The following PDK1 variants were observed in gnomAD, a reference collection of about 807,000 sequenced individuals.
The protein encoded by PDK1 is [Pyruvate dehydrogenase (acetyl-transferring)] kinase isozyme 1, mitochondrial.
Under a neutral mutation model 54.2 loss-of-function variants are expected in PDK1, and 39 were observed. The ratio of observed to expected loss-of-function variants is 0.72; its 90% CI spans 0.56 to 0.94. The LOEUF is 0.94. Ranked by LOEUF, PDK1 falls within the 40% of genes least tolerant of loss-of-function variation. PDK1 has a pLI of 0.00. For synonymous variants in PDK1, 221 were observed against 207.1 expected (o/e 1.07, Z -0.58); for missense variants, 552 against 566.0 (o/e 0.98, Z 0.25).
the PDK1 span, among the ~76,000 whole-genome samples, chr2:172,688,839 A>C: frequency 0.24 from 37,178 of 152,018 alleles, 4,867 homozygotes; most frequent in African/African-American, 0.34. Flanking sequence ...TCAGTCAACT[A>C]TCTTCCCCAC....
At chr2:172,686,150 T>A in the PDK1 span, among the ~76,000 whole-genome samples, 1 of 152,194 alleles carries the variant, frequency 6.6e-6, no homozygotes, top group East Asian at 1.9e-4. Context: ...ATTTCACTCT[T>A]TAGTAAAGTC....
chr2:172,683,344 C>CAA, the PDK1 span, among the ~76,000 whole-genome samples: 43 of 129,984 alleles, frequency 3.3e-4, no homozygotes, highest in South Asian at 6.5e-3. Flanking sequence ...GAAACTCCGT[C>CAA]AAAAAAAAAA....
At chr2:172,654,919 G>A in the PDK1 span, among the ~76,000 whole-genome samples, 3 of 152,116 alleles carry the variant, frequency 2.0e-5, no homozygotes, top group East Asian at 1.9e-4. Flanking sequence ...ATACAAGCAC[G>A]AAAGCCTGTG....
the PDK1 span, among the ~76,000 whole-genome samples, chr2:172,701,037 G>A: frequency 1.6e-4 from 25 of 151,798 alleles, no homozygotes; most frequent in Admixed American, 1.4e-3. Flanking sequence ...AGGAGAGGAG[G>A]GAGAGGAGGG....
In PDK1 at chr2:172,595,822, TTTTCAGGCTCTGTCAACAG is replaced by T. The variant is rs1690859614; in HGVS notation, c.1171-6_1183del. On this transcript the variant is annotated splice_acceptor_variant and splice_polypyrimidine_tract_variant and coding_sequence_variant and intron_variant, in exon 11 of 11. Transcript: ENST00000282077. LOFTEE classifies it high-confidence loss of function. ...GACTTAATAGGTCTTAGGTTTTTCT[TTTTCAGGCTCTGTCAACAG>T]ACTCAATAGAAAGACTCCCAGTGTA... is the stretch of plus-strand genomic sequence containing the variant. The T allele has an allele frequency of 6.2e-7, 1 of 1,613,064 alleles. No individual in the cohort carries two copies. The highest frequency in any genetic ancestry group is 1.3e-5 in the African/African-American group (1 of 74,882).
intron 8 of PDK1, among the ~76,000 whole-genome samples, chr2:172,573,483 T>C (rs13002929): frequency 6.6e-6 from 1 of 151,582 alleles, no homozygotes; most frequent in Non-Finnish European, 1.5e-5. Context: ...TGTGTATATA[T>C]ATATAGGGAT....
the PDK1 span, among the ~76,000 whole-genome samples, chr2:172,672,393 C>A: frequency 2.6e-5 from 4 of 152,152 alleles, no homozygotes; most frequent in Admixed American, 2.6e-4. Context: ...TTGTTTATTT[C>A]ACCATTTGTT....
At chr2:172,639,502 A>G in the PDK1 span, among the ~76,000 whole-genome samples, 1 of 152,240 alleles carries the variant, frequency 6.6e-6, no homozygotes, top group Non-Finnish European at 1.5e-5. Context: ...GGAGACAACC[A>G]GAGTTCTCTA....
At position 172,558,568 on chromosome 2, in the gene PDK1, G is replaced by A. The variant is rs1383956536; in HGVS notation, c.197-140G>A. 7.3e-6 allele frequency: 5 copies of A among 687,712 alleles called. No individual in the cohort carries two copies. The East Asian group carries it at 1.4e-4, about 19-fold the overall frequency. The allele number at this position is 687,712 out of a possible 1,614,324, so 42.6% of individuals were successfully genotyped here. A position where few individuals can be genotyped will look rare whatever the true frequency, so the allele number is the denominator to read the frequency against. On this transcript the variant is annotated intron_variant, in intron 1 of 10. Transcript: ENST00000282077. ...GCCTCCCACAGGCAGGTGTATCTTT[G>A]CCTCCTATTCCCTGCCCCATCGTGG...
the PDK1 span, among the ~76,000 whole-genome samples, chr2:172,684,585 T>G: frequency 9.2e-5 from 14 of 152,302 alleles, no homozygotes; most frequent in African/African-American, 3.4e-4. Flanking sequence ...TTGGGATCAG[T>G]GCCCCAGTGA....
intron 7 of PDK1, 67 bp downstream of exon 7, chr2:172,568,884 C>G (rs1043518899): frequency 9.2e-6 from 8 of 871,880 alleles, no homozygotes; most frequent in Non-Finnish European, 1.6e-5. Flanking sequence ...GCTCTGAAAG[C>G]CAAATATTCC....
At chr2:172,630,508 C>T in the PDK1 span, among the ~76,000 whole-genome samples, 1 of 152,224 alleles carries the variant, frequency 6.6e-6, no homozygotes, top group Non-Finnish European at 1.5e-5. Context: ...TTCATCATCA[C>T]AGAAAGCTCT....
At chr2:172,566,731 A>C (rs142209356) in intron 5 of PDK1, 125 bp from the exon 6 acceptor site, 8 of 511,688 alleles carry the variant, frequency 1.6e-5, no homozygotes, top group Non-Finnish European at 2.6e-5. Context: ...TCACCAAACT[A>C]TCAAAGTATA....
In PDK1 at chr2:172,604,447, G is replaced by A. The variant is rs940175857; in HGVS notation, c.*8478G>A. ...AGCTTACAGATTCCGCGCATATTTT[G>A]TTAGACTTAAATCTAAGTATTTGCT... On this transcript the variant is annotated 3_prime_UTR_variant, in exon 11 of 11. Transcript: ENST00000282077. The A allele has an allele frequency of 2.0e-5, 3 of 151,914 alleles. No homozygotes were observed. The highest frequency in any genetic ancestry group is 7.3e-5 in the African/African-American group (3 of 41,356). 9.4% of individuals were successfully genotyped at this position (151,914 alleles called of 1,614,324 possible).
chr2:172,624,584 T>A, the PDK1 span, among the ~76,000 whole-genome samples: 1 of 152,226 alleles, frequency 6.6e-6, no homozygotes, highest in East Asian at 1.9e-4. Context: ...CCAAAAAGGT[T>A]GGGAACTGCT....
chr2:172,643,003 A>C, the PDK1 span, among the ~76,000 whole-genome samples: 3 of 152,190 alleles, frequency 2.0e-5, no homozygotes, highest in Admixed American at 1.3e-4. Context: ...TTTCATACTC[A>C]GTGAACTAAA....
the PDK1 span, among the ~76,000 whole-genome samples, chr2:172,619,390 T>A: frequency 6.6e-6 from 1 of 151,992 alleles, no homozygotes; most frequent in South Asian, 2.1e-4. Context: ...GGACCAGGGG[T>A]GGAGCTGAAG....
At chr2:172,643,165 G>GC in the PDK1 span, among the ~76,000 whole-genome samples, 2 of 152,176 alleles carry the variant, frequency 1.3e-5, no homozygotes, top group African/African-American at 4.8e-5. Context: ...TAAGCCATTA[G>GC]CCAAATGGTG....
intron 5 of PDK1, among the ~76,000 whole-genome samples, chr2:172,566,303 C>T (rs1688936872): frequency 6.6e-6 from 1 of 152,094 alleles, no homozygotes; most frequent in Admixed American, 6.6e-5. Flanking sequence ...GCCTATAATC[C>T]CAGCACTTTG....
Sources: gnomAD v4.1 joint callset for allele counts (sites outside exome capture counted in the v4.1 genomes callset) on GRCh38, gnomAD v4.1.1 for gene constraint, MANE v1.5 for transcripts, NCBI Gene and HGNC (gene_info 2026-07-23, HGNC 2026-07-21) for gene names.